The following BCLAF1 variants were observed in gnomAD, a reference collection of about 807,000 sequenced individuals.
BCLAF1 encodes BCL2 associated transcription factor 1.
BCLAF1 carries 10 observed loss-of-function variants against 99.5 expected under a neutral mutation model. The ratio of observed to expected loss-of-function variants is 0.10; its 90% CI spans 0.06 to 0.17. The LOEUF is 0.17. Among genes scored for constraint, BCLAF1 ranks in the 10% least tolerant of loss-of-function variants. The probability of loss-of-function intolerance (pLI) is 1.00; values close to 1 mark genes in which losing one functional copy is unlikely to be tolerated. For missense variants in BCLAF1, 636 were observed against 1,105.8 expected, an observed-to-expected ratio of 0.58 and a Z score of 6.02; for synonymous variants, 255 against 370.9, an observed-to-expected ratio of 0.69 and a Z score of 3.59.
intron 6 of BCLAF1, 144 bp downstream of exon 6, chr6:136,275,388 T>A (rs1584056334): frequency 2.6e-6 from 2 of 759,440 alleles, no homozygotes; most frequent in Admixed American, 3.7e-5. Context: ...GACTCTCTTC[T>A]ATGAAACTAC....
At chr6:136,289,455 C>A (rs927591466) in intron 1 of BCLAF1, among the ~76,000 whole-genome samples, 8 of 152,162 alleles carry the variant, frequency 5.3e-5, no homozygotes, top group African/African-American at 1.9e-4. Flanking sequence ...GCCGCGCGGG[C>A]TGTGGGTCTC....
intron 8 of BCLAF1, among the ~76,000 whole-genome samples, chr6:136,270,950 T>C (rs1782430237): frequency 6.6e-6 from 1 of 151,548 alleles, no homozygotes; most frequent in South Asian, 2.1e-4. Flanking sequence ...TCTTTCAACA[T>C]CAATACGCCC....
intron 2 of BCLAF1, 89 bp from the exon 3 acceptor site, chr6:136,279,965 T>A (rs909331444): frequency 7.9e-7 from 1 of 1,266,460 alleles, no homozygotes. Context: ...TAAAATTTGA[T>A]TTTTACAAGT....
At chr6:136,283,127 ACTAGCCTTGGCAACACACT>A (rs1397217690) in intron 1 of BCLAF1, among the ~76,000 whole-genome samples, 37 of 141,768 alleles carry the variant, frequency 2.6e-4, no homozygotes, top group Non-Finnish European at 4.4e-4. Context: ...CACACCTGTG[ACTAGCCTTGGCAACACACT>A]CTAGCCTTGG....
rs753854976 is a variant in BCLAF1 at position 136,268,143 on chromosome 6, A to C, written c.2397+19T>G. On this transcript the variant is annotated intron_variant, in intron 10 of 12. Transcript: ENST00000531224. ...AGATAAACTCCTACCAAACAATCAA[A>C]GATAATTTTTTCACTTACAAAGGTT... 2 of 1,509,518 alleles carry C rather than the reference A, an allele frequency of 1.3e-6. No homozygotes were observed. The highest frequency in any genetic ancestry group is 4.6e-5 in the East Asian group (2 of 43,816). 93.5% of individuals were successfully genotyped at this position (1,509,518 alleles called of 1,614,324 possible).
At chr6:136,289,404 G>T (rs888865299) in intron 1 of BCLAF1, among the ~76,000 whole-genome samples, 1 of 152,170 alleles carries the variant, frequency 6.6e-6, no homozygotes, top group Admixed American at 6.5e-5. Flanking sequence ...GAAGAAATGG[G>T]GGAAGGGTGG....
chr6:136,263,100 T>C (rs1302815570), intron 11 of BCLAF1, among the ~76,000 whole-genome samples: 1 of 152,200 alleles, frequency 6.6e-6, no homozygotes. Context: ...TTTATTCAAC[T>C]AATCCTCACA....
intron 1 of BCLAF1, among the ~76,000 whole-genome samples, chr6:136,284,920 G>A (rs1321535467): frequency 6.6e-6 from 1 of 152,136 alleles, no homozygotes; most frequent in Non-Finnish European, 1.5e-5. Flanking sequence ...CTTTAAGGAG[G>A]TAACATTTGG....
At position 136,276,241 on chromosome 6, in the gene BCLAF1, G is replaced by T. The variant is rs1297549770; in HGVS notation, c.1284C>A (p.His428Gln). ...DQGKSFATAS[H>Q]RNTEEEGLKY... ...TGAGTCCTTCCTCCTCAGTATTCCG[G>T]TGAGATGCAGTAGCAAAACTTTTAC... is the stretch of plus-strand genomic sequence containing the variant. The change falls in exon 5 of 13, where the codon CAC (histidine) becomes CAA (glutamine). Residue 428 changes from histidine to glutamine, a missense_variant. Transcript: ENST00000531224. 2.5e-6 allele frequency: 4 copies of T among 1,605,562 alleles called. No homozygotes were observed. In the East Asian group the frequency reaches 8.9e-5, roughly 36 times the overall value.
At chr6:136,284,128 GTGTATATATA>G (rs1286769750) in intron 1 of BCLAF1, among the ~76,000 whole-genome samples, 39 of 81,338 alleles carry the variant, frequency 4.8e-4, no homozygotes, top group African/African-American at 1.6e-3. Flanking sequence ...GTGTGTGTGT[GTGTATATATA>G]TATATATATA....
At position 136,257,978 on chromosome 6, in the gene BCLAF1, T is replaced by A. The variant is rs185309885; in HGVS notation, c.*3132A>T. ...TTATCCAGTATAATTAAGCTACCAA[T>A]GATCTTACACAACACTTTACATGCA... On this transcript the variant is annotated 3_prime_UTR_variant, in exon 13 of 13. Transcript: ENST00000531224. 227 of 152,274 alleles carry A rather than the reference T, an allele frequency of 1.5e-3. No individual in the cohort carries two copies. Among genetic ancestry groups the A allele is most frequent in the African/African-American group, 5.4e-3 (225 of 41,596 alleles). 9.4% of individuals were successfully genotyped at this position (152,274 alleles called of 1,614,324 possible).
intron 4 of BCLAF1, 114 bp downstream of exon 4, chr6:136,277,751 C>G: frequency 8.4e-7 from 1 of 1,191,310 alleles, no homozygotes; most frequent in East Asian, 2.8e-5. Flanking sequence ...TGAAGGAAGT[C>G]AAGAGTAAAA....
intron 11 of BCLAF1, among the ~76,000 whole-genome samples, chr6:136,266,825 T>G (rs901152446): frequency 2.0e-5 from 3 of 152,058 alleles, no homozygotes; most frequent in Non-Finnish European, 4.4e-5. Context: ...GATCAGCCTA[T>G]GTTTAATATC....
At chr6:136,275,490 C>T (rs767946769) in intron 6 of BCLAF1, 42 bp downstream of exon 6, 20 of 1,434,452 alleles carry the variant, frequency 1.4e-5, no homozygotes, top group Non-Finnish European at 1.8e-5. Flanking sequence ...TATTTGCATG[C>T]AAGAGAAATT....
chr6:136,287,349 T>C (rs181220911), intron 1 of BCLAF1, among the ~76,000 whole-genome samples: 1 of 152,178 alleles, frequency 6.6e-6, no homozygotes, highest in Admixed American at 6.5e-5. Context: ...TTGAAAACTC[T>C]AAAATATTAC....
chr6:136,283,127 AC>A (rs1562265792), intron 1 of BCLAF1, among the ~76,000 whole-genome samples: 4 of 141,768 alleles, frequency 2.8e-5, no homozygotes, highest in Admixed American at 7.6e-5. Flanking sequence ...CACACCTGTG[AC>A]TAGCCTTGGC....
rs532700992 is a variant in BCLAF1, at chr6:136,289,801, T to A, written c.-203A>T. 1 of 152,668 alleles carries A rather than the reference T, an allele frequency of 6.6e-6. No homozygotes were observed. The highest frequency in any genetic ancestry group is 1.5e-5 in the Non-Finnish European group (1 of 68,038). The allele number at this position is 152,668 out of a possible 1,614,324, so 9.5% of individuals were successfully genotyped here. On this transcript the variant is annotated 5_prime_UTR_variant, in exon 1 of 13. An upstream start codon of the reference 5' UTR is lost. Transcript: ENST00000531224. Reference sequence around the variant, plus strand: ...CGACTCAAGAACGCGAGGAAAACCATAGAGCTACCTTCGACGCGCTAGCAC... The same window carrying A: ...CGACTCAAGAACGCGAGGAAAACCAAAGAGCTACCTTCGACGCGCTAGCAC...
At chr6:136,265,175 A>G (rs528759722) in intron 11 of BCLAF1, among the ~76,000 whole-genome samples, 2 of 152,018 alleles carry the variant, frequency 1.3e-5, no homozygotes, top group Admixed American at 6.5e-5. Flanking sequence ...TTTTCACCCC[A>G]CCTTTGAAAT....
chr6:136,281,958 C>A lies in BCLAF1; in HGVS notation c.-11+626G>T, dbSNP rs1022865393. Among the ~76,000 whole-genome samples, 4 of 152,148 alleles carry A rather than the reference C, an allele frequency of 2.6e-5. No homozygotes were observed. In the East Asian group the frequency reaches 7.7e-4, roughly 29 times the overall value. On this transcript the variant is annotated intron_variant, in intron 2 of 12. Coordinates refer to ENST00000531224, the MANE Select transcript of BCLAF1 (RefSeq NM_014739.3). The stretch of plus-strand genomic sequence containing the variant: ...TTGCTTTAAGCTACACCTGAAACTT[C>A]AAAAACTAACGGAAAGAAAGCATGC...
Sources: gnomAD v4.1 joint callset for allele counts (sites outside exome capture counted in the v4.1 genomes callset) on GRCh38, gnomAD v4.1.1 for gene constraint, MANE v1.5 for transcripts, NCBI Gene and HGNC (gene_info 2026-07-23, HGNC 2026-07-21) for gene names.